The following SARNP variants were observed in gnomAD, a reference collection of about 807,000 sequenced individuals.
SARNP encodes SAP domain-containing ribonucleoprotein.
In SARNP, 5 loss-of-function variants were observed where a neutral mutation model predicts 38.1. The ratio of observed to expected loss-of-function variants is 0.13; its 90% CI spans 0.07 to 0.28. The LOEUF (loss-of-function observed/expected upper bound fraction) is 0.28. Among genes scored for constraint, SARNP ranks in the 10% least tolerant of loss-of-function variants. SARNP has a pLI of 1.00. For missense variants in SARNP, 180 were observed against 243.9 expected (o/e 0.74, Z 1.75); for synonymous variants, 84 against 80.6 (o/e 1.04, Z -0.23).
intron 1 of SARNP, among the ~76,000 whole-genome samples, chr12:55,813,459 G>A (rs1329616431): frequency 6.6e-6 from 1 of 151,902 alleles, no homozygotes; most frequent in Non-Finnish European, 1.5e-5. Context: ...TGCAGCATAT[G>A]TGAAGGTTCT....
intron 9 of SARNP, among the ~76,000 whole-genome samples, chr12:55,765,732 A>AAAC (rs751324763): frequency 6.6e-6 from 1 of 152,026 alleles, no homozygotes; most frequent in African/African-American, 2.4e-5. Context: ...TTCCAGGGGA[A>AAAC]AACAACAACA....
chr12:55,795,419 A>G (rs963369929), intron 5 of SARNP, among the ~76,000 whole-genome samples: 1 of 152,164 alleles, frequency 6.6e-6, no homozygotes, highest in Admixed American at 6.5e-5. Flanking sequence ...CTCAAAAACA[A>G]AAGGGAGAAA....
chr12:55,767,352 C>G (rs777787196), intron 9 of SARNP, among the ~76,000 whole-genome samples: 3 of 151,318 alleles, frequency 2.0e-5, no homozygotes, highest in Non-Finnish European at 4.4e-5. Flanking sequence ...TCAAGACCAA[C>G]CTGGGCAACA....
chr12:55,795,531 G>A (rs1000910865), intron 5 of SARNP, among the ~76,000 whole-genome samples: 3 of 152,174 alleles, frequency 2.0e-5, no homozygotes, highest in African/African-American at 4.8e-5. Flanking sequence ...CAACACCAAT[G>A]GTATTCTTTC....
chr12:55,806,156 C>A (rs1880134443), intron 1 of SARNP, among the ~76,000 whole-genome samples: 2 of 151,970 alleles, frequency 1.3e-5, no homozygotes, highest in African/African-American at 4.8e-5. Context: ...TCCAGTTTTA[C>A]TACTTGTAAC....
chr12:55,788,001 C>T lies in SARNP; in HGVS notation c.501+1074G>A, dbSNP rs184102974. ...CCTGACCTCGTGATCCGCACATCTC[C>T]GCCTCCCAAAGTGCTGGGATTACAG... On this transcript the variant is annotated intron_variant, in intron 9 of 10. Coordinates refer to ENST00000336133, the MANE Select transcript of SARNP (RefSeq NM_033082.4). 3.2e-3 allele frequency among the ~76,000 whole-genome samples: 487 copies of T among 151,740 alleles called. 2 individuals carry two copies. The highest frequency in any genetic ancestry group is 0.011 in the African/African-American group (448 of 41,386).
At chr12:55,816,098 C>T (rs1880475062) in intron 1 of SARNP, among the ~76,000 whole-genome samples, 1 of 152,154 alleles carries the variant, frequency 6.6e-6, no homozygotes. Context: ...TTATATAGAC[C>T]TGACAAATAC....
intron 9 of SARNP, among the ~76,000 whole-genome samples, chr12:55,787,157 G>A (rs576331404): frequency 6.6e-5 from 10 of 151,698 alleles, no homozygotes; most frequent in Non-Finnish European, 1.2e-4. Context: ...GCTTGAGCCT[G>A]GGAAATGGAG....
intron 9 of SARNP, among the ~76,000 whole-genome samples, chr12:55,775,783 T>G (rs1879164807): frequency 6.6e-6 from 1 of 152,126 alleles, no homozygotes; most frequent in Non-Finnish European, 1.5e-5. Context: ...CTTCTTCAGC[T>G]ATCAGTCATG....
downstream of SARNP, chr12:55,755,211 G>C (rs149837426): frequency 6.6e-6 from 1 of 151,806 alleles, no homozygotes; most frequent in Non-Finnish European, 1.5e-5. Context: ...GACACAGCAA[G>C]AGAACTCAGC....
At chr12:55,780,540 C>T in intron 9 of SARNP, among the ~76,000 whole-genome samples, 1 of 152,076 alleles carries the variant, frequency 6.6e-6, no homozygotes, top group Non-Finnish European at 1.5e-5. Flanking sequence ...CATAGTGGCA[C>T]ATGCCTGTAA....
At chr12:55,815,724 A>G (rs950577353) in intron 1 of SARNP, among the ~76,000 whole-genome samples, 1 of 152,052 alleles carries the variant, frequency 6.6e-6, no homozygotes, top group African/African-American at 2.4e-5. Flanking sequence ...TAGGCCTCCC[A>G]AAGTGCTAGG....
chr12:55,808,156 GTTATTTTAAAAGGAAAATAGACA>G (rs1241949994), intron 1 of SARNP, among the ~76,000 whole-genome samples: 2 of 152,066 alleles, frequency 1.3e-5, no homozygotes, highest in African/African-American at 4.8e-5. Context: ...ATACTAGGAC[GTTATTTTAAAAGGAAAATAGACA>G]TTATTTTAAA....
At chr12:55,787,241 T>TAAAAA (rs4016515) in intron 9 of SARNP, among the ~76,000 whole-genome samples, 7 of 103,454 alleles carry the variant, frequency 6.8e-5, no homozygotes, top group African/African-American at 1.4e-4. Flanking sequence ...CAAAAAAGAC[T>TAAAAA]AAAAAAAAAA....
At chr12:55,796,871 G>A (rs1879835622) in intron 4 of SARNP, among the ~76,000 whole-genome samples, 1 of 152,104 alleles carries the variant, frequency 6.6e-6, no homozygotes, top group Admixed American at 6.6e-5. Flanking sequence ...CAGTCAAAGT[G>A]AAACAAATAA....
intron 4 of SARNP, among the ~76,000 whole-genome samples, chr12:55,798,924 T>C (rs944803328): frequency 2.0e-5 from 3 of 152,192 alleles, no homozygotes; most frequent in Non-Finnish European, 4.4e-5. Context: ...TGACAGTACA[T>C]GTAAAACATT....
At chr12:55,788,732 C>T (rs963199285) in intron 9 of SARNP, among the ~76,000 whole-genome samples, 1 of 152,028 alleles carries the variant, frequency 6.6e-6, no homozygotes, top group Admixed American at 6.6e-5. Context: ...CCAGGGAGGT[C>T]AAGCCTGCAG....
Position 55,779,974 on chromosome 12 carries a change from C to G in SARNP, c.501+9101G>C, listed in dbSNP as rs144627817. Among the ~76,000 whole-genome samples, 1,264 of 152,244 alleles carry G rather than the reference C, an allele frequency of 8.3e-3. 19 individuals are homozygous for G. The highest frequency in any genetic ancestry group is 0.029 in the African/African-American group (1,203 of 41,532). The stretch of plus-strand genomic sequence containing the variant: ...CCAGCTTGGGTAACACAGTGAGACC[C>G]TGTCTCCACAAAAAAATTGAAAAAT... On this transcript the variant is annotated intron_variant, in intron 9 of 10. Transcript: ENST00000336133.
At chr12:55,774,443 G>T (rs1334700319) in intron 9 of SARNP, among the ~76,000 whole-genome samples, 1 of 151,648 alleles carries the variant, frequency 6.6e-6, no homozygotes, top group African/African-American at 2.4e-5. Flanking sequence ...CAACGGGCTA[G>T]GCACGGTGGC....
Sources: gnomAD v4.1 joint callset for allele counts (sites outside exome capture counted in the v4.1 genomes callset) on GRCh38, gnomAD v4.1.1 for gene constraint, MANE v1.5 for transcripts, NCBI Gene and HGNC (gene_info 2026-07-23, HGNC 2026-07-21) for gene names.